Variants in FYB1 observed in about 807,000 individuals in gnomAD.
FYB1 encodes the protein FYN binding protein 1.
In FYB1, 41 loss-of-function variants were observed where a neutral mutation model predicts 94.1. That is an observed-to-expected ratio of 0.44 (90% CI 0.34 to 0.57). The LOEUF (loss-of-function observed/expected upper bound fraction) is 0.57, where lower values mean the gene tolerates loss of function less well. FYB1 is among the 20% of genes least tolerant of loss of function. The pLI is 0.02. For missense variants in FYB1, 1,050 were observed against 976.8 expected, an observed-to-expected ratio of 1.07 and a Z score of -1.00; for synonymous variants, 367 against 353.2, an observed-to-expected ratio of 1.04 and a Z score of -0.44.
At chr5:39,130,131 A>T (rs1204194596) in intron 10 of FYB1, among the ~76,000 whole-genome samples, 1 of 152,088 alleles carries the variant, frequency 6.6e-6, no homozygotes, top group Admixed American at 6.6e-5. Flanking sequence ...TGGAAGTCAT[A>T]TTAAGTGGAA....
chr5:39,267,090 C>T (rs963217613), intron 1 of FYB1, among the ~76,000 whole-genome samples: 5 of 152,116 alleles, frequency 3.3e-5, no homozygotes, highest in African/African-American at 1.2e-4. Flanking sequence ...TCAGTTTACT[C>T]AACTAGAAAA....
intron 2 of FYB1, among the ~76,000 whole-genome samples, chr5:39,175,339 G>A (rs976191541): frequency 2.6e-5 from 4 of 152,148 alleles, no homozygotes; most frequent in African/African-American, 7.2e-5. Flanking sequence ...AGAAGACTCC[G>A]GTTGATTGAT....
At chr5:39,139,927 T>C (rs1171296320) in intron 4 of FYB1, 1 of 152,006 alleles carries the variant, frequency 6.6e-6, no homozygotes, top group Admixed American at 6.6e-5. Context: ...GAGAAAAGGA[T>C]GGATTGTTTA....
At chr5:39,112,433 T>C (rs183148537) in intron 16 of FYB1, among the ~76,000 whole-genome samples, 5 of 152,218 alleles carry the variant, frequency 3.3e-5, no homozygotes, top group African/African-American at 1.2e-4. Context: ...TAGGGATTCA[T>C]ACAGTCTCTG....
intron 2 of FYB1, among the ~76,000 whole-genome samples, chr5:39,186,485 T>C (rs1746814505): frequency 6.6e-6 from 1 of 150,530 alleles, no homozygotes; most frequent in Non-Finnish European, 1.5e-5. Context: ...CAACAAAGAG[T>C]AGAACTTATA....
chr5:39,162,647 T>A (rs1330995222), intron 2 of FYB1, among the ~76,000 whole-genome samples: 1 of 151,502 alleles, frequency 6.6e-6, no homozygotes, highest in African/African-American at 2.4e-5. Context: ...ATGGTGCCAC[T>A]GCACTCCAGC....
chr5:39,123,366 C>T (rs536165917), intron 13 of FYB1, among the ~76,000 whole-genome samples: 2 of 152,130 alleles, frequency 1.3e-5, no homozygotes, highest in Admixed American at 1.3e-4. Context: ...GTTACTACTC[C>T]GTGCACATGC....
At position 39,119,038 on chromosome 5, in the gene FYB1, TA is replaced by T. The variant is rs747787634; in HGVS notation, c.2239-3del. 9,039 of 1,114,502 alleles carry T rather than the reference TA, an allele frequency of 8.1e-3. No homozygotes were observed. Among genetic ancestry groups the T allele is most frequent in the South Asian group, 0.017 (822 of 47,976 alleles). The allele number at this position is 1,114,502 out of a possible 1,614,324, so 69.0% of individuals were successfully genotyped here. ...TAGGACTCTAATTTCACCATCATAC[TA>T]AAAAAAAAAGAACAATATTTAAATT... On this transcript the variant is annotated splice_polypyrimidine_tract_variant and splice_region_variant and intron_variant, in intron 15 of 18. Transcript: ENST00000512982.
At chr5:39,153,369 C>G in intron 3 of FYB1, 79 bp downstream of exon 3, 1 of 1,541,508 alleles carries the variant, frequency 6.5e-7, no homozygotes, top group Non-Finnish European at 8.9e-7. Flanking sequence ...CCATGGAACT[C>G]TCAGCATTTG....
intron 14 of FYB1, among the ~76,000 whole-genome samples, chr5:39,120,503 AT>A (rs773414875): frequency 3.9e-5 from 6 of 152,090 alleles, no homozygotes; most frequent in Non-Finnish European, 8.8e-5. Context: ...CTCTTGCCCA[AT>A]TCCTGGACAT....
At chr5:39,108,131 T>A in intron 18 of FYB1, 100 bp downstream of exon 18, 1 of 1,116,156 alleles carries the variant, frequency 9.0e-7, no homozygotes, top group Non-Finnish European at 1.3e-6. Context: ...CAAATTCTGA[T>A]CAGATTGGAA....
chr5:39,131,994 T>C lies in FYB1; in HGVS notation c.1818-1382A>G, dbSNP rs950911264. On this transcript the variant is annotated intron_variant, in intron 9 of 18. Transcript: ENST00000512982. ...GACGAGAGGGAGAGAGAGAGATACA[T>C]GGAAGGAAGAAGGTTTACTATGAAA... 3.9e-5 allele frequency among the ~76,000 whole-genome samples: 6 copies of C among 152,194 alleles called. No individual in the cohort carries two copies. In the East Asian group the frequency reaches 9.6e-4, roughly 24 times the overall value.
chr5:39,199,499 G>A (rs1219728487), intron 2 of FYB1, among the ~76,000 whole-genome samples: 1 of 152,114 alleles, frequency 6.6e-6, no homozygotes, highest in Non-Finnish European at 1.5e-5. Flanking sequence ...GATTAAGCTT[G>A]TCACCCATTT....
intron 2 of FYB1, chr5:39,169,437 A>T: frequency 1.4e-6 from 1 of 736,454 alleles, no homozygotes. Flanking sequence ...AAGAACAGGA[A>T]CATTTCACAG....
intron 1 of FYB1, among the ~76,000 whole-genome samples, chr5:39,242,070 T>TC (rs1199247616): frequency 6.6e-6 from 1 of 152,178 alleles, no homozygotes; most frequent in Non-Finnish European, 1.5e-5. Context: ...CTATTTTTTT[T>TC]CCCTCTCAGT....
intron 1 of FYB1, among the ~76,000 whole-genome samples, chr5:39,231,147 C>CAAAAAAAAAAAAA (rs747268330): frequency 7.3e-5 from 3 of 40,918 alleles, no homozygotes; most frequent in African/African-American, 1.7e-4. Context: ...CAGCTCAGAG[C>CAAAAAAAAAAAAA]AAAAAAAAAA....
At position 39,227,009 on chromosome 5, in the gene FYB1, G is replaced by A. The variant is rs116065477; in HGVS notation, c.-27-24022C>T. On this transcript the variant is annotated intron_variant, in intron 1 of 1. Coordinates refer to the FYB1 transcript ENST00000510188. ...CATTTGTCTGTGGGACTTTTGATAG[G>A]CTATATCTGGGTGCAGAGAATAAAA... is the stretch of plus-strand genomic sequence containing the variant. 6.5e-3 allele frequency among the ~76,000 whole-genome samples: 992 copies of A among 152,300 alleles called. 15 individuals carry two copies. Among genetic ancestry groups the A allele is most frequent in the African/African-American group, 0.023 (941 of 41,562 alleles).
chr5:39,270,479 G>T, intron 1 of FYB1: 1 of 1,275,760 alleles, frequency 7.8e-7, no homozygotes, highest in Non-Finnish European at 1.1e-6. Context: ...GGACCTGACT[G>T]TGAAGCACCC....
chr5:39,127,009 G>C (rs1052682478), intron 11 of FYB1, among the ~76,000 whole-genome samples: 5 of 132,982 alleles, frequency 3.8e-5, no homozygotes, highest in African/African-American at 1.4e-4. Context: ...GGTGAGCCGA[G>C]ATCGTGCCAT....
Sources: gnomAD v4.1 joint callset for allele counts (sites outside exome capture counted in the v4.1 genomes callset) on GRCh38, gnomAD v4.1.1 for gene constraint, MANE v1.5 for transcripts, NCBI Gene and HGNC (gene_info 2026-07-23, HGNC 2026-07-21) for gene names.